ERC1: variants seen among roughly 807,000 people sequenced by gnomAD.
ERC1 encodes RAB6 interacting protein 2.
A neutral mutation model predicts 132.0 loss-of-function variants in ERC1; 56 were observed. That is an observed-to-expected ratio of 0.42 (90% CI 0.34 to 0.53). The LOEUF (loss-of-function observed/expected upper bound fraction) is 0.53, where lower values mean the gene tolerates loss of function less well. Among genes scored for constraint, ERC1 ranks in the 20% least tolerant of loss-of-function variants. The probability of loss-of-function intolerance (pLI) is 0.03; values close to 1 mark genes in which losing one functional copy is unlikely to be tolerated. For synonymous variants in ERC1, 478 were observed against 476.1 expected (o/e 1.00, Z -0.05); for missense variants, 1,202 against 1,349.9 (o/e 0.89, Z 1.72).
intron 15 of ERC1, among the ~76,000 whole-genome samples, chr12:1,355,188 A>G (rs1417479994): frequency 6.6e-6 from 1 of 152,246 alleles, no homozygotes; most frequent in Non-Finnish European, 1.5e-5. Context: ...AAAATATATA[A>G]GCAAATGAGC....
At chr12:1,300,357 A>G (rs539572988) in intron 15 of ERC1, among the ~76,000 whole-genome samples, 1 of 152,332 alleles carries the variant, frequency 6.6e-6, no homozygotes, top group South Asian at 2.1e-4. Context: ...CCAAAACTAT[A>G]AAAACCCTGG....
At chr12:1,329,173 A>G (rs1208404582) in intron 15 of ERC1, among the ~76,000 whole-genome samples, 2 of 145,964 alleles carry the variant, frequency 1.4e-5, no homozygotes, top group African/African-American at 5.2e-5. Context: ...ACATGCCTGT[A>G]ATCCCAGCTA....
chr12:1,296,815 G>A (rs114283693), intron 15 of ERC1, among the ~76,000 whole-genome samples: 17 of 152,230 alleles, frequency 1.1e-4, no homozygotes, highest in African/African-American at 2.9e-4. Context: ...GATTTTTACC[G>A]AATGAACAGA....
chr12:1,375,703 G>A (rs914863057), intron 16 of ERC1, among the ~76,000 whole-genome samples: 6 of 151,274 alleles, frequency 4.0e-5, no homozygotes, highest in Non-Finnish European at 7.4e-5. Flanking sequence ...ATTGAGGGAG[G>A]GGTAGTCTCA....
intron 12 of ERC1, among the ~76,000 whole-genome samples, chr12:1,235,566 G>A (rs2075358060): frequency 6.6e-6 from 1 of 152,256 alleles, no homozygotes; most frequent in Admixed American, 6.5e-5. Context: ...AACAGGAATG[G>A]CCAAATACTG....
intron 12 of ERC1, among the ~76,000 whole-genome samples, chr12:1,212,237 C>T (rs1957947620): frequency 1.3e-5 from 2 of 152,182 alleles, no homozygotes; most frequent in Non-Finnish European, 2.9e-5. Flanking sequence ...CAACTTTAAG[C>T]TATAGTCATT....
At chr12:1,407,445 G>A (rs932767137) in intron 16 of ERC1, among the ~76,000 whole-genome samples, 3 of 151,924 alleles carry the variant, frequency 2.0e-5, no homozygotes, top group South Asian at 2.1e-4. Flanking sequence ...CCAGCTGCTC[G>A]GGAAACTGAG....
intron 2 of ERC1, among the ~76,000 whole-genome samples, chr12:1,033,039 A>AT (rs112737527): frequency 0.048 from 6,767 of 141,796 alleles, 175 homozygotes; most frequent in South Asian, 0.096. Flanking sequence ...TGCCTGGCTA[A>AT]TTTTTTTTTT....
At position 1,074,052 on chromosome 12, in the gene ERC1, A is replaced by AT. The variant is rs1940920434; in HGVS notation, c.670-9112_670-9111insT. Among the ~76,000 whole-genome samples, 3 of 2,852 alleles carry AT rather than the reference A, an allele frequency of 1.1e-3. No homozygotes were observed. The Non-Finnish European group carries it at 0.047, about 45-fold the overall frequency. 1.9% of individuals were successfully genotyped at this position (2,852 alleles called of 152,430 possible). A position where few individuals can be genotyped will look rare whatever the true frequency, so the allele number is the denominator to read the frequency against. ...GCTAATTTTTGCATTTTTAGTAGAG[A>AT]CGGCTTTCACCATGATGGCCAGGAT... is the stretch of plus-strand genomic sequence containing the variant. On this transcript the variant is annotated intron_variant, in intron 2 of 18. Coordinates refer to ENST00000360905, the MANE Select transcript of ERC1 (RefSeq NM_178040.4).
At chr12:1,172,125 G>C (rs1953128852) in intron 8 of ERC1, among the ~76,000 whole-genome samples, 1 of 152,074 alleles carries the variant, frequency 6.6e-6, no homozygotes, top group Admixed American at 6.6e-5. Context: ...TGATTACAGA[G>C]GTCATTTTAA....
At position 1,119,511 on chromosome 12, in the gene ERC1, T is replaced by TTG. The variant is rs1180385226; in HGVS notation, c.1569+3535_1569+3536dup. ...TTAGAGGAGTTACTTTACTTCTTCT[T>TTG]TGTGTGTGTGTGTGTGTGTGTGTGT... On this transcript the variant is annotated intron_variant, in intron 7 of 18. Transcript: ENST00000360905. Among the ~76,000 whole-genome samples, 50 of 138,942 alleles carry TTG rather than the reference T, an allele frequency of 3.6e-4. 1 individual carries two copies. Among genetic ancestry groups the TTG allele is most frequent in the African/African-American group, 1.2e-3 (44 of 36,708 alleles). The allele number at this position is 138,942 out of a possible 152,430, so 91.2% of individuals were successfully genotyped here.
chr12:1,010,235 A>G (rs1018430420), intron 1 of ERC1, among the ~76,000 whole-genome samples: 5 of 152,050 alleles, frequency 3.3e-5, no homozygotes, highest in Admixed American at 3.3e-4. Context: ...AATCCCAGCA[A>G]TTTGGGAGGC....
chr12:1,297,329 A>G (rs1444311392), intron 15 of ERC1, among the ~76,000 whole-genome samples: 1 of 152,094 alleles, frequency 6.6e-6, no homozygotes, highest in Non-Finnish European at 1.5e-5. Context: ...GCACTCTAGA[A>G]GAAATGCTAA....
chr12:1,148,595 T>C (rs563248942), intron 8 of ERC1, among the ~76,000 whole-genome samples: 3 of 152,296 alleles, frequency 2.0e-5, no homozygotes, highest in Admixed American at 6.5e-5. Context: ...GCTTCTTTTT[T>C]ATTTTATTTA....
chr12:1,302,583 A>G (rs1238631827), intron 15 of ERC1, among the ~76,000 whole-genome samples: 2 of 152,208 alleles, frequency 1.3e-5, no homozygotes, highest in African/African-American at 2.4e-5. Context: ...TAGTTTGGGG[A>G]TACTGCAAGT....
intron 2 of ERC1, among the ~76,000 whole-genome samples, chr12:1,057,585 G>GTT (rs59761885): frequency 4.0e-4 from 19 of 47,664 alleles, no homozygotes; most frequent in African/African-American, 5.1e-4. Flanking sequence ...GATGCGCATG[G>GTT]TTTTTTTTTT....
At chr12:1,033,786 C>T (rs555573405) in intron 2 of ERC1, among the ~76,000 whole-genome samples, 24 of 152,140 alleles carry the variant, frequency 1.6e-4, no homozygotes, top group Admixed American at 4.6e-4. Context: ...TGTGCCACCA[C>T]GCCTGGCTAA....
Position 1,043,772 on chromosome 12 carries a change from C to T in ERC1, c.669+15200C>T, listed in dbSNP as rs191131114. ...ACGAAGTTGATAGAAGATTATACTT[C>T]GTTTTGTTTGTAACTTTACCTAGAA... On this transcript the variant is annotated intron_variant, in intron 2 of 18. Coordinates refer to ENST00000360905, the MANE Select transcript of ERC1 (RefSeq NM_178040.4). 2.0e-3 allele frequency among the ~76,000 whole-genome samples: 309 copies of T among 152,260 alleles called. 1 individual carries two copies. Among genetic ancestry groups the T allele is most frequent in the Non-Finnish European group, 3.0e-3 (203 of 68,018 alleles).
intron 2 of ERC1, among the ~76,000 whole-genome samples, chr12:1,033,717 C>T (rs1229140066): frequency 1.3e-5 from 2 of 151,848 alleles, no homozygotes; most frequent in Non-Finnish European, 2.9e-5. Flanking sequence ...GCAACCTCCG[C>T]CTCCTGAGTT....
Sources: allele counts gnomAD v4.1 joint callset (sites outside exome capture counted in the v4.1 genomes callset), GRCh38; gene constraint gnomAD v4.1.1; transcripts MANE v1.5; gene names NCBI Gene and HGNC (gene_info 2026-07-23, HGNC 2026-07-21).